The following RANBP17 variants were observed in gnomAD, a reference collection of about 807,000 sequenced individuals.
The protein encoded by RANBP17 is ran-binding protein 17.
RANBP17 carries 158 observed loss-of-function variants against 141.2 expected under a neutral mutation model. The observed-to-expected ratio is 1.12, with a 90% confidence interval of 0.98 to 1.28. RANBP17 has a LOEUF of 1.28. RANBP17 is among the 50% of genes most tolerant of loss of function. The pLI, the probability that RANBP17 is intolerant of heterozygous loss-of-function variation, is 0.00. For synonymous variants in RANBP17, 430 were observed against 450.0 expected (o/e 0.96, Z 0.56); for missense variants, 1,438 against 1,290.7 (o/e 1.11, Z -1.75).
At chr5:171,177,637 C>G (rs1760574952) in intron 16 of RANBP17, among the ~76,000 whole-genome samples, 1 of 152,162 alleles carries the variant, frequency 6.6e-6, no homozygotes, top group Admixed American at 6.5e-5. Flanking sequence ...TCAGTCTTGG[C>G]TAAAGACTTA....
chr5:171,293,067 A>G (rs1768598212), intron 25 of RANBP17, among the ~76,000 whole-genome samples: 1 of 152,116 alleles, frequency 6.6e-6, no homozygotes, highest in Non-Finnish European at 1.5e-5. Flanking sequence ...CTTTGCTTAG[A>G]ACACATTTAT....
rs934888100 is a variant in RANBP17 at position 171,209,490 on chromosome 5, A to AT, written c.2231+3887dup. The stretch of plus-strand genomic sequence containing the variant: ...CTGAAAATTCACTGTTCAGCAAGCT[A>AT]TTTTTTTTTAGTTTTATTTCTGTGC... On this transcript the variant is annotated intron_variant, in intron 20 of 27. Transcript: ENST00000523189. Among the ~76,000 whole-genome samples the AT allele has an allele frequency of 4.8e-4, 72 of 151,470 alleles. 1 individual carries two copies. Among genetic ancestry groups the AT allele is most frequent in the East Asian group, 1.9e-3 (10 of 5,166 alleles).
Position 170,890,730 on chromosome 5 carries a change from A to G in RANBP17, c.257-1657A>G, listed in dbSNP as rs554265254. Among the ~76,000 whole-genome samples, 6 of 152,342 alleles carry G rather than the reference A, an allele frequency of 3.9e-5. No homozygotes were observed. In the South Asian group the frequency reaches 8.3e-4, roughly 21 times the overall value. Reference sequence around the variant, plus strand: ...CTTGGTGTATTTGTTATCTGACTTCATGAGTCAACTAGAAAGCTCATAACT... The same window carrying G: ...CTTGGTGTATTTGTTATCTGACTTCGTGAGTCAACTAGAAAGCTCATAACT... On this transcript the variant is annotated intron_variant, in intron 3 of 27. Transcript: ENST00000523189.
At chr5:171,083,993 G>A (rs1202610513) in intron 14 of RANBP17, among the ~76,000 whole-genome samples, 2 of 149,254 alleles carry the variant, frequency 1.3e-5, no homozygotes, top group African/African-American at 2.5e-5. Context: ...TAAGTTTTAG[G>A]GTACATGTGC....
intron 19 of RANBP17, among the ~76,000 whole-genome samples, chr5:171,203,631 G>T (rs1373018686): frequency 6.6e-6 from 1 of 151,864 alleles, no homozygotes; most frequent in Non-Finnish European, 1.5e-5. Flanking sequence ...GAGTCCTATA[G>T]ACCACTTCTA....
intron 25 of RANBP17, among the ~76,000 whole-genome samples, chr5:171,272,626 C>G (rs910944167): frequency 6.6e-6 from 1 of 152,178 alleles, no homozygotes; most frequent in African/African-American, 2.4e-5. Context: ...AAACACAAAG[C>G]TATCTCTGTT....
intron 18 of RANBP17, among the ~76,000 whole-genome samples, chr5:171,187,456 AGT>A (rs908365927): frequency 2.6e-5 from 4 of 152,054 alleles, no homozygotes; most frequent in African/African-American, 9.7e-5. Flanking sequence ...AAAAAAAAAA[AGT>A]GTGGTATCTG....
intron 1 of RANBP17, among the ~76,000 whole-genome samples, chr5:170,863,122 A>G (rs369598576): frequency 3.0e-4 from 46 of 152,314 alleles, no homozygotes; most frequent in East Asian, 2.3e-3. Flanking sequence ...CTTGCAGTCT[A>G]CTGGTCCTTG....
At chr5:171,178,646 A>G (rs1161620249) in intron 16 of RANBP17, among the ~76,000 whole-genome samples, 1 of 152,192 alleles carries the variant, frequency 6.6e-6, no homozygotes, top group East Asian at 1.9e-4. Context: ...AACAGTGTAA[A>G]GGCATTCCTA....
At chr5:171,221,226 A>G (rs1302976507) in intron 21 of RANBP17, among the ~76,000 whole-genome samples, 1 of 152,240 alleles carries the variant, frequency 6.6e-6, no homozygotes, top group Non-Finnish European at 1.5e-5. Flanking sequence ...CTGAAGTTGT[A>G]TGCAGTGGAA....
At chr5:171,057,670 T>A (rs1374793182) in intron 14 of RANBP17, among the ~76,000 whole-genome samples, 1 of 95,460 alleles carries the variant, frequency 1.0e-5, no homozygotes, top group African/African-American at 3.2e-5. Flanking sequence ...AAAGCTTCAT[T>A]GATTTACAGT....
At chr5:171,153,490 A>G (rs1390653502) in intron 14 of RANBP17, among the ~76,000 whole-genome samples, 1 of 152,226 alleles carries the variant, frequency 6.6e-6, no homozygotes, top group Non-Finnish European at 1.5e-5. Context: ...CTGGTGGAGA[A>G]CACAAAGTTA....
intron 11 of RANBP17, among the ~76,000 whole-genome samples, chr5:170,922,602 C>T (rs1272047477): frequency 5.3e-5 from 8 of 152,180 alleles, no homozygotes; most frequent in Admixed American, 3.3e-4. Context: ...GTTACGGCTC[C>T]GTGGGCGTGG....
rs1450404453 is a variant in RANBP17, at chr5:171,183,123, T to C, written c.1866-44T>C. 4.9e-6 allele frequency: 5 copies of C among 1,021,272 alleles called. No individual in the cohort carries two copies. The African/African-American group carries it at 6.4e-5, about 13-fold the overall frequency. 63.3% of individuals were successfully genotyped at this position (1,021,272 alleles called of 1,614,324 possible). A position where few individuals can be genotyped will look rare whatever the true frequency, so the allele number is the denominator to read the frequency against. Reference sequence around the variant, plus strand: ...TGTTACTTTGTGATTTATTACATACTGATATTACAAATATATTTCCTTAGA... The same window carrying C: ...TGTTACTTTGTGATTTATTACATACCGATATTACAAATATATTTCCTTAGA... On this transcript the variant is annotated intron_variant, in intron 16 of 27. Coordinates refer to ENST00000523189, the MANE Select transcript of RANBP17 (RefSeq NM_022897.5).
intron 14 of RANBP17, among the ~76,000 whole-genome samples, chr5:171,008,238 C>T (rs536132577): frequency 3.3e-5 from 5 of 152,118 alleles, no homozygotes; most frequent in Admixed American, 2.6e-4. Flanking sequence ...TGAAGGGTAG[C>T]GAGAGAGGCT....
chr5:170,908,600 A>G (rs376150711), intron 5 of RANBP17, among the ~76,000 whole-genome samples: 74 of 148,832 alleles, frequency 5.0e-4, no homozygotes, highest in African/African-American at 1.6e-3. Context: ...GCAACAAGCA[A>G]TATACCCCAG....
chr5:171,279,969 T>C (rs1196461455), intron 25 of RANBP17, among the ~76,000 whole-genome samples: 1 of 152,186 alleles, frequency 6.6e-6, no homozygotes, highest in Non-Finnish European at 1.5e-5. Flanking sequence ...TTCATCCCTG[T>C]CTAAGAGAGA....
intron 25 of RANBP17, among the ~76,000 whole-genome samples, chr5:171,287,488 C>T (rs1768236646): frequency 7.0e-6 from 1 of 142,528 alleles, no homozygotes; most frequent in South Asian, 2.2e-4. Context: ...GAAACTCCAT[C>T]TCAAAAAAAA....
At chr5:171,115,991 G>A (rs1392255041) in intron 14 of RANBP17, among the ~76,000 whole-genome samples, 1 of 152,098 alleles carries the variant, frequency 6.6e-6, no homozygotes, top group African/African-American at 2.4e-5. Flanking sequence ...AAATGGACAT[G>A]AATAAAGAGG....
Sources: allele counts gnomAD v4.1 joint callset (sites outside exome capture counted in the v4.1 genomes callset), GRCh38; gene constraint gnomAD v4.1.1; transcripts MANE v1.5; gene names NCBI Gene and HGNC (gene_info 2026-07-23, HGNC 2026-07-21).